HOMER1: variants seen among roughly 807,000 people sequenced by gnomAD.
The protein encoded by HOMER1 is homer scaffold protein 1.
A neutral mutation model predicts 48.9 loss-of-function variants in HOMER1; 3 were observed. The ratio of observed to expected loss-of-function variants is 0.06; its 90% CI spans 0.03 to 0.16. The LOEUF (loss-of-function observed/expected upper bound fraction) is 0.16, where lower values mean the gene tolerates loss of function less well. Ranked by LOEUF, HOMER1 falls within the 10% of genes least tolerant of loss-of-function variation. HOMER1 has a pLI of 1.00. For missense variants in HOMER1, 247 were observed against 411.4 expected, an observed-to-expected ratio of 0.60 and a Z score of 3.46; for synonymous variants, 134 against 146.4, an observed-to-expected ratio of 0.92 and a Z score of 0.61.
At chr5:79,427,390 GT>G (rs1242983630) in intron 5 of HOMER1, among the ~76,000 whole-genome samples, 7 of 151,770 alleles carry the variant, frequency 4.6e-5, no homozygotes, top group Admixed American at 1.3e-4. Context: ...GTATTTGTTT[GT>G]TTTTTGGTTG....
In HOMER1 at chr5:79,374,668, G is replaced by C. The variant is rs1414788956; in HGVS notation, c.*1341C>G. Reference sequence around the variant, plus strand: ...ACAGCAAGAATATATGTACTCTGATGCAATTCCTACTTTATAAGCAGACTA... The same window carrying C: ...ACAGCAAGAATATATGTACTCTGATCCAATTCCTACTTTATAAGCAGACTA... On this transcript the variant is annotated 3_prime_UTR_variant, in exon 9 of 9. Coordinates refer to ENST00000334082, the MANE Select transcript of HOMER1 (RefSeq NM_004272.5). The C allele has an allele frequency of 6.6e-6, 1 of 151,972 alleles. No homozygotes were observed. The highest frequency in any genetic ancestry group is 2.4e-5 in the African/African-American group (1 of 41,410). The allele number at this position is 151,972 out of a possible 1,614,324, so 9.4% of individuals were successfully genotyped here.
intron 5 of HOMER1, among the ~76,000 whole-genome samples, chr5:79,408,336 T>C (rs1749721589): frequency 6.6e-6 from 1 of 151,810 alleles, no homozygotes; most frequent in Non-Finnish European, 1.5e-5. Flanking sequence ...AATAAAGAGT[T>C]TTTCAGGTAA....
chr5:79,447,240 A>G (rs747086052), intron 3 of HOMER1, 95 bp from the exon 4 acceptor site: 87 of 732,498 alleles, frequency 1.2e-4, no homozygotes, highest in Non-Finnish European at 2.0e-4. Flanking sequence ...TGAATAACTG[A>G]CTCTACACAA....
intron 4 of HOMER1, among the ~76,000 whole-genome samples, chr5:79,442,027 A>AAATAAAATGAAATAAAATG (rs1750751322): frequency 6.6e-6 from 1 of 151,894 alleles, no homozygotes; most frequent in African/African-American, 2.4e-5. Context: ...AAAAAGCAAA[A>AAATAAAATGAAATAAAATG]AATAAAATGA....
At chr5:79,397,723 G>A in intron 6 of HOMER1, 86 bp from the exon 7 acceptor site, 1 of 668,526 alleles carries the variant, frequency 1.5e-6, no homozygotes, top group Non-Finnish European at 2.6e-6. Context: ...TAAGTGAATA[G>A]TATATTCTGA....
Position 79,375,531 on chromosome 5 carries a change from A to AT in HOMER1, c.*477dup, listed in dbSNP as rs1561338790. 6.6e-6 allele frequency: 1 copy of AT among 152,188 alleles called. No individual in the cohort carries two copies. The highest frequency in any genetic ancestry group is 1.5e-5 in the Non-Finnish European group (1 of 68,026). The allele number at this position is 152,188 out of a possible 1,614,324, so 9.4% of individuals were successfully genotyped here. A position where few individuals can be genotyped will look rare whatever the true frequency, so the allele number is the denominator to read the frequency against. On this transcript the variant is annotated 3_prime_UTR_variant, in exon 9 of 9. Coordinates refer to ENST00000334082, the MANE Select transcript of HOMER1 (RefSeq NM_004272.5). ...GGCACTGCTTCTCAGCAGTGCAAAA[A>AT]TATCCTGAGAAATTATTCAGATTAC... is the stretch of plus-strand genomic sequence containing the variant.
At chr5:79,379,383 TTA>T (rs1327301314) in intron 8 of HOMER1, among the ~76,000 whole-genome samples, 1 of 111,418 alleles carries the variant, frequency 9.0e-6, no homozygotes, top group Non-Finnish European at 1.7e-5. Context: ...TTTATATATT[TTA>T]TATATTATAT....
chr5:79,399,047 T>A (rs547175434), intron 6 of HOMER1, among the ~76,000 whole-genome samples: 2 of 152,334 alleles, frequency 1.3e-5, no homozygotes, highest in African/African-American at 4.8e-5. Flanking sequence ...TGTATTTGTT[T>A]TGTCTCATTA....
At chr5:79,434,333 CTAT>C (rs1271808706) in intron 5 of HOMER1, among the ~76,000 whole-genome samples, 1 of 150,492 alleles carries the variant, frequency 6.6e-6, no homozygotes, top group Non-Finnish European at 1.5e-5. Context: ...TTAAAAAAAT[CTAT>C]TATTATTTAT....
At chr5:79,486,888 C>T (rs547891049) in intron 1 of HOMER1, among the ~76,000 whole-genome samples, 11 of 152,282 alleles carry the variant, frequency 7.2e-5, no homozygotes, top group East Asian at 5.8e-4. Flanking sequence ...AGATCATTCT[C>T]GCTGCATACA....
intron 2 of HOMER1, among the ~76,000 whole-genome samples, chr5:79,452,978 T>C (rs1751070034): frequency 6.6e-6 from 1 of 152,178 alleles, no homozygotes; most frequent in Non-Finnish European, 1.5e-5. Flanking sequence ...GGTTAAGGAA[T>C]CATTCGTTTA....
At chr5:79,406,165 T>C (rs1749656785) in intron 5 of HOMER1, among the ~76,000 whole-genome samples, 1 of 152,192 alleles carries the variant, frequency 6.6e-6, no homozygotes, top group Non-Finnish European at 1.5e-5. Flanking sequence ...TGTTGAAATA[T>C]ATGTTTAGAG....
At chr5:79,438,810 A>C (rs1032982118) in intron 5 of HOMER1, among the ~76,000 whole-genome samples, 200 bp downstream of exon 5, 1 of 151,664 alleles carries the variant, frequency 6.6e-6, no homozygotes, top group Non-Finnish European at 1.5e-5. Flanking sequence ...CAGTCCATCT[A>C]TGCAACTATA....
intron 3 of HOMER1, among the ~76,000 whole-genome samples, chr5:79,448,391 A>G (rs1310019544): frequency 6.6e-6 from 1 of 152,200 alleles, no homozygotes; most frequent in Non-Finnish European, 1.5e-5. Flanking sequence ...GTAAAAATCT[A>G]CACTATTGCT....
chr5:79,378,222 C>CAAAA (rs58802660), intron 8 of HOMER1, among the ~76,000 whole-genome samples: 2 of 85,550 alleles, frequency 2.3e-5, no homozygotes, highest in African/African-American at 7.7e-5. Flanking sequence ...GACTCTGTCT[C>CAAAA]AAAAAAAAAA....
intron 5 of HOMER1, among the ~76,000 whole-genome samples, chr5:79,411,219 T>A (rs1438095351): frequency 6.6e-6 from 1 of 152,242 alleles, no homozygotes; most frequent in Non-Finnish European, 1.5e-5. Context: ...GCACAGTGGC[T>A]GATGCCTATA....
chr5:79,451,321 C>T (rs1751022376), intron 2 of HOMER1, among the ~76,000 whole-genome samples, 200 bp from the exon 3 acceptor site: 1 of 152,068 alleles, frequency 6.6e-6, no homozygotes, highest in Non-Finnish European at 1.5e-5. Flanking sequence ...TATGATGACA[C>T]TCTATCAAAA....
At chr5:79,428,978 A>T (rs531027617) in intron 5 of HOMER1, among the ~76,000 whole-genome samples, 1 of 152,356 alleles carries the variant, frequency 6.6e-6, no homozygotes, top group African/African-American at 2.4e-5. Flanking sequence ...TCATAGGGAA[A>T]TTCTAGGTAC....
intron 6 of HOMER1, among the ~76,000 whole-genome samples, chr5:79,399,753 T>C (rs1749485093): frequency 6.6e-6 from 1 of 152,108 alleles, no homozygotes; most frequent in Admixed American, 6.5e-5. Flanking sequence ...ACTAGTCATT[T>C]TTCTGAAAAA....
Sources: allele counts gnomAD v4.1 joint callset (sites outside exome capture counted in the v4.1 genomes callset), GRCh38; gene constraint gnomAD v4.1.1; transcripts MANE v1.5; gene names NCBI Gene and HGNC (gene_info 2026-07-23, HGNC 2026-07-21).